KDM3A: variants seen among roughly 807,000 people sequenced by gnomAD.
KDM3A encodes lysine demethylase 3A, also known as lysine-specific demethylase 3A.
A neutral mutation model predicts 158.0 loss-of-function variants in KDM3A; 60 were observed. That is an observed-to-expected ratio of 0.38 (90% CI 0.31 to 0.47). The LOEUF (loss-of-function observed/expected upper bound fraction) is 0.47, where lower values mean the gene tolerates loss of function less well. Ranked by LOEUF, KDM3A falls within the 20% of genes least tolerant of loss-of-function variation. The pLI, the probability that KDM3A is intolerant of heterozygous loss-of-function variation, is 0.99. For missense variants in KDM3A, 1,319 were observed against 1,574.3 expected (o/e 0.84, Z 2.74); for synonymous variants, 608 against 549.3 (o/e 1.11, Z -1.49).
intron 2 of KDM3A, among the ~76,000 whole-genome samples, chr2:86,445,807 G>C (rs1435315529): frequency 6.6e-6 from 1 of 152,124 alleles, no homozygotes; most frequent in African/African-American, 2.4e-5. Context: ...CTGGACCTTG[G>C]GATCTTCGAC....
At position 86,449,890 on chromosome 2, in the gene KDM3A, A is replaced by C; in HGVS notation, c.270A>C (p.Val90=). ...GCCTTCTAAGGAGAGCATTTTTAGT[A>C]GAACATAATTTGGTTTTAGCTGAAC... is the stretch of plus-strand genomic sequence containing the variant. ...VYSLLRRAFL[V]EHNLVLAERK... Residue 90 remains valine (V), a synonymous_variant, in exon 3 of 26, where the codon GTA becomes GTC. Coordinates refer to ENST00000312912, the MANE Select transcript of KDM3A (RefSeq NM_018433.6). 6.2e-6 allele frequency: 10 copies of C among 1,613,936 alleles called. No homozygotes were observed. The highest frequency in any genetic ancestry group is 8.5e-6 in the Non-Finnish European group (10 of 1,179,864).
At chr2:86,482,383 A>G (rs1485039599) in intron 17 of KDM3A, 75 bp from the exon 18 acceptor site, 3 of 1,566,784 alleles carry the variant, frequency 1.9e-6, no homozygotes. Flanking sequence ...TGTAATCTAT[A>G]CTCATTATGG....
intron 16 of KDM3A, among the ~76,000 whole-genome samples, 181 bp downstream of exon 16, chr2:86,480,543 A>G (rs1245829708): frequency 1.3e-5 from 2 of 152,262 alleles, no homozygotes; most frequent in Non-Finnish European, 1.5e-5. Flanking sequence ...ATTTTGCTGC[A>G]TTAAAATTTA....
chr2:86,452,618 T>C (rs1672517337), intron 4 of KDM3A, among the ~76,000 whole-genome samples: 1 of 152,186 alleles, frequency 6.6e-6, no homozygotes, highest in South Asian at 2.1e-4. Context: ...TTTATAAAGC[T>C]GAATAATCTT....
At chr2:86,487,650 C>G (rs1674245157) in intron 21 of KDM3A, 1 of 152,256 alleles carries the variant, frequency 6.6e-6, no homozygotes, top group Non-Finnish European at 1.5e-5. Flanking sequence ...TTCCCCCACT[C>G]TTAACTCCCC....
intron 4 of KDM3A, among the ~76,000 whole-genome samples, chr2:86,453,917 A>C (rs1227995105): frequency 6.6e-6 from 1 of 152,178 alleles, no homozygotes; most frequent in Non-Finnish European, 1.5e-5. Flanking sequence ...TGTGTTGAGC[A>C]CTGTTTTTTC....
intron 14 of KDM3A, 124 bp downstream of exon 14, chr2:86,478,389 A>G: frequency 1.2e-6 from 1 of 841,968 alleles, no homozygotes; most frequent in South Asian, 1.7e-5. Flanking sequence ...TTGTCCAGAA[A>G]TATATTAGAT....
At chr2:86,475,317 G>T (rs1673614428) in intron 12 of KDM3A, among the ~76,000 whole-genome samples, 1 of 152,136 alleles carries the variant, frequency 6.6e-6, no homozygotes, top group South Asian at 2.1e-4. Flanking sequence ...TAAAACAAAG[G>T]TTCTTAATCA....
At chr2:86,457,128 C>A in intron 8 of KDM3A, 57 bp downstream of exon 8, 1 of 638,026 alleles carries the variant, frequency 1.6e-6, no homozygotes. Context: ...CATTGCATGG[C>A]TAGTTTTTAT....
At chr2:86,469,026 A>C (rs1253752961) in intron 10 of KDM3A, among the ~76,000 whole-genome samples, 1 of 152,190 alleles carries the variant, frequency 6.6e-6, no homozygotes, top group Non-Finnish European at 1.5e-5. Context: ...TGAGTAATTA[A>C]AATTACATCC....
At chr2:86,473,935 T>C (rs1426141161) in intron 11 of KDM3A, among the ~76,000 whole-genome samples, 2 of 152,198 alleles carry the variant, frequency 1.3e-5, no homozygotes, top group Non-Finnish European at 2.9e-5. Context: ...GACGGTAACG[T>C]GCAGCTGGAA....
Position 86,469,773 on chromosome 2 carries a change from A to G in KDM3A, c.1520-431A>G, listed in dbSNP as rs187609119. On this transcript the variant is annotated intron_variant, in intron 10 of 25. Transcript: ENST00000312912. ...TAGCTTTTGCATTGTACTTTTAAAA[A>G]CACACCTTAAACCAGTCTTTTTTGA... Among the ~76,000 whole-genome samples the G allele has an allele frequency of 1.7e-3, 260 of 152,310 alleles. 3 individuals are homozygous for G. The highest frequency in any genetic ancestry group is 6.6e-4 in the Non-Finnish European group (45 of 68,026).
intron 4 of KDM3A, 111 bp downstream of exon 4, chr2:86,451,324 T>G (rs1672459265): frequency 9.9e-6 from 6 of 607,048 alleles, no homozygotes; most frequent in African/African-American, 1.9e-5. Context: ...GGATGCCTAC[T>G]CCTTGCACAG....
At chr2:86,440,560 T>A (rs1228020721), upstream of KDM3A, 3 of 152,232 alleles carry the variant, frequency 2.0e-5, no homozygotes, top group Admixed American at 2.0e-4. Context: ...AGTATCTGAA[T>A]ACCTTCTCAA....
chr2:86,482,847 G>A, intron 18 of KDM3A, 153 bp downstream of exon 18: 1 of 727,532 alleles, frequency 1.4e-6, no homozygotes, highest in Admixed American at 2.6e-5. Flanking sequence ...GTCAGGATGT[G>A]GCCATGGGTC....
In KDM3A at chr2:86,482,420, A is replaced by G; in HGVS notation, c.2686-38A>G. ...AATGGAGTTTCTTGATGGTAAGGGA[A>G]TGACATATTTGAGACTTTTGTTCTT... On this transcript the variant is annotated intron_variant, in intron 17 of 25. Transcript: ENST00000312912. 4.4e-6 allele frequency: 7 copies of G among 1,603,092 alleles called. No homozygotes were observed. The East Asian group carries it at 1.3e-4, about 31-fold the overall frequency.
chr2:86,449,791 A>G lies in KDM3A; in HGVS notation c.187-16A>G, dbSNP rs1246016418. The G allele has an allele frequency of 6.3e-7, 1 of 1,575,910 alleles. No homozygotes were observed. The highest frequency in any genetic ancestry group is 8.6e-7 in the Non-Finnish European group (1 of 1,165,244). Reference sequence around the variant, plus strand: ...ATTGAATCTGCTTCCCCCACCCCCCAATTTTGTCTGTCTAGGTGTGTGTGG... The same window carrying G: ...ATTGAATCTGCTTCCCCCACCCCCCGATTTTGTCTGTCTAGGTGTGTGTGG... On this transcript the variant is annotated splice_polypyrimidine_tract_variant and intron_variant, in intron 2 of 25. Transcript: ENST00000312912.
chr2:86,485,950 C>T, intron 21 of KDM3A, 91 bp downstream of exon 21: 4 of 1,368,588 alleles, frequency 2.9e-6, no homozygotes. Context: ...GTGGAAAACA[C>T]CCATAATCCT....
At position 86,484,156 on chromosome 2, in the gene KDM3A, C is replaced by T. The variant is rs942283117; in HGVS notation, c.3092C>T (p.Pro1031Leu). Residue 1031 changes from proline (P) to leucine (L), a missense_variant and splice_region_variant, in exon 19 of 26, where the codon CCA becomes CTA. Pro to Leu is a moderately conservative substitution (Grantham distance 98). This residue lies in a region of KDM3A where 368 missense variants were observed against 415.8 expected (regional missense o/e 0.89). Transcript: ENST00000312912. Reference protein sequence around the residue: ...GDFWDGFEDVPNRLKNEKEPM... With the variant: ...GDFWDGFEDVLNRLKNEKEPM... ...TTCTGGGATGGATTTGAAGATGTTC[C>T]AAGTATGTATGAAAGATCTTTTAAG... 24 of 1,610,452 alleles carry T rather than the reference C, an allele frequency of 1.5e-5. No individual in the cohort carries two copies. Among genetic ancestry groups the T allele is most frequent in the Non-Finnish European group, 1.9e-5 (22 of 1,178,312 alleles).
Sources: allele counts gnomAD v4.1 joint callset (sites outside exome capture counted in the v4.1 genomes callset), GRCh38; gene constraint gnomAD v4.1.1; regional missense constraint gnomAD v4.1.1; transcripts MANE v1.5; gene names NCBI Gene and HGNC (gene_info 2026-07-23, HGNC 2026-07-21).